Variants in FER observed in about 807,000 individuals in gnomAD.
The protein encoded by FER is tyrosine-protein kinase Fer.
A neutral mutation model predicts 111.0 loss-of-function variants in FER; 63 were observed. That is an observed-to-expected ratio of 0.57 (90% CI 0.46 to 0.70). The LOEUF (loss-of-function observed/expected upper bound fraction) is 0.70, where lower values mean the gene tolerates loss of function less well. Ranked by LOEUF, FER falls within the 30% of genes least tolerant of loss-of-function variation. The pLI, the probability that FER is intolerant of heterozygous loss-of-function variation, is 0.00. For missense variants in FER, 914 were observed against 954.0 expected (o/e 0.96, Z 0.55); for synonymous variants, 327 against 313.9 (o/e 1.04, Z -0.44).
At chr5:109,110,702 G>A (rs141658156) in intron 17 of FER, among the ~76,000 whole-genome samples, 1 of 151,962 alleles carries the variant, frequency 6.6e-6, no homozygotes, top group African/African-American at 2.4e-5. Context: ...ACAATGTGCA[G>A]GTTTGTTACA....
intron 13 of FER, among the ~76,000 whole-genome samples, chr5:108,963,850 A>G (rs1487025683): frequency 6.6e-6 from 1 of 152,196 alleles, no homozygotes; most frequent in African/African-American, 2.4e-5. Flanking sequence ...AGCGCTGTTT[A>G]CATTGTTAGT....
At chr5:108,823,599 G>A (rs1759132037) in intron 3 of FER, among the ~76,000 whole-genome samples, 1 of 152,116 alleles carries the variant, frequency 6.6e-6, no homozygotes, top group Non-Finnish European at 1.5e-5. Context: ...ATCTGCTCAG[G>A]TCCTTTGCAG....
chr5:109,001,602 C>G (rs898218804), intron 13 of FER, among the ~76,000 whole-genome samples: 2 of 152,208 alleles, frequency 1.3e-5, no homozygotes, highest in African/African-American at 4.8e-5. Context: ...CTCACCACTC[C>G]TATTCAACAT....
chr5:109,120,964 A>G (rs1397043581), intron 17 of FER, among the ~76,000 whole-genome samples: 1 of 151,688 alleles, frequency 6.6e-6, no homozygotes, highest in African/African-American at 2.4e-5. Context: ...AACTTTACTG[A>G]ATGTATTTTG....
chr5:108,922,692 A>G (rs1326446698), intron 10 of FER, among the ~76,000 whole-genome samples: 1 of 152,208 alleles, frequency 6.6e-6, no homozygotes, highest in African/African-American at 2.4e-5. Flanking sequence ...ATGAAAATAT[A>G]AACTTATTCT....
rs1261968572 is a variant in FER, at chr5:109,067,754, T to G, written c.1924+20556T>G. On this transcript the variant is annotated intron_variant, in intron 16 of 19. Coordinates refer to ENST00000281092, the MANE Select transcript of FER (RefSeq NM_005246.4). The stretch of plus-strand genomic sequence containing the variant: ...GTTAAATTCTACTCTCTTGAATATC[T>G]AAATAGATATGGTATAGGAAAGATT... 4.6e-5 allele frequency among the ~76,000 whole-genome samples: 7 copies of G among 152,164 alleles called. No homozygotes were observed. In the East Asian group the frequency reaches 1.2e-3, roughly 25 times the overall value.
chr5:108,863,071 C>G (rs1763688734), intron 5 of FER, among the ~76,000 whole-genome samples: 1 of 152,108 alleles, frequency 6.6e-6, no homozygotes, highest in East Asian at 1.9e-4. Flanking sequence ...GGGGTGATCA[C>G]TTTTAGATGG....
intron 13 of FER, among the ~76,000 whole-genome samples, chr5:109,036,143 T>G (rs980732378): frequency 6.6e-6 from 1 of 152,192 alleles, no homozygotes; most frequent in Non-Finnish European, 1.5e-5. Context: ...AATAAATGTT[T>G]TCAATTTTGA....
chr5:108,906,530 AG>A (rs1339662217), intron 10 of FER, among the ~76,000 whole-genome samples: 3 of 103,562 alleles, frequency 2.9e-5, no homozygotes, highest in African/African-American at 4.2e-5. Context: ...ACGTTATTAG[AG>A]TTGATCAGCT....
intron 17 of FER, among the ~76,000 whole-genome samples, chr5:109,130,331 C>T (rs374945324): frequency 6.6e-6 from 1 of 151,916 alleles, no homozygotes; most frequent in African/African-American, 2.4e-5. Flanking sequence ...GAAGGCTTTT[C>T]TGTATTTTCC....
intron 10 of FER, among the ~76,000 whole-genome samples, chr5:108,936,277 T>G (rs922670447): frequency 6.6e-6 from 1 of 152,044 alleles, no homozygotes; most frequent in African/African-American, 2.4e-5. Flanking sequence ...TTAATAACAG[T>G]GGCTATTATT....
chr5:109,135,812 G>A (rs1752832772), intron 17 of FER, among the ~76,000 whole-genome samples: 1 of 152,078 alleles, frequency 6.6e-6, no homozygotes, highest in African/African-American at 2.4e-5. Context: ...TGTTTCTGGT[G>A]ATTTCTGCTA....
chr5:108,855,594 GAAAAAAA>G (rs199949845), intron 5 of FER, among the ~76,000 whole-genome samples: 3 of 102,994 alleles, frequency 2.9e-5, no homozygotes, highest in African/African-American at 1.0e-4. Flanking sequence ...GCACTCCAGC[GAAAAAAA>G]AAAAAAAAAG....
intron 9 of FER, among the ~76,000 whole-genome samples, chr5:108,888,851 G>A (rs547305602): frequency 2.8e-4 from 42 of 151,956 alleles, no homozygotes; most frequent in Non-Finnish European, 5.6e-4. Context: ...GATCAGACAT[G>A]TTGATTTTAA....
At chr5:109,035,687 A>G (rs1263148833) in intron 13 of FER, among the ~76,000 whole-genome samples, 1 of 152,114 alleles carries the variant, frequency 6.6e-6, no homozygotes, top group Non-Finnish European at 1.5e-5. Flanking sequence ...TGTATGTTTA[A>G]CTTTATGAGA....
At chr5:109,157,451 G>C (rs938139001) in intron 17 of FER, among the ~76,000 whole-genome samples, 1 of 151,658 alleles carries the variant, frequency 6.6e-6, no homozygotes, top group Non-Finnish European at 1.5e-5. Context: ...CTTCTTGTTG[G>C]AATTTTCTGC....
At chr5:108,765,211 A>G (rs1752185344) in intron 1 of FER, among the ~76,000 whole-genome samples, 1 of 152,194 alleles carries the variant, frequency 6.6e-6, no homozygotes, top group Admixed American at 6.5e-5. Flanking sequence ...CGCAAGGAAT[A>G]TAATTTTTTT....
At chr5:109,118,764 T>C (rs1750591821) in intron 17 of FER, among the ~76,000 whole-genome samples, 1 of 152,210 alleles carries the variant, frequency 6.6e-6, no homozygotes, top group Non-Finnish European at 1.5e-5. Context: ...AATTGTCCAT[T>C]TCTTCTAGAT....
chr5:108,871,868 T>C (rs1206267218), intron 7 of FER, among the ~76,000 whole-genome samples: 1 of 152,056 alleles, frequency 6.6e-6, no homozygotes, highest in Non-Finnish European at 1.5e-5. Flanking sequence ...CTTAATACAA[T>C]TGTGACAGGA....
Sources: gnomAD v4.1 joint callset for allele counts (sites outside exome capture counted in the v4.1 genomes callset) on GRCh38, gnomAD v4.1.1 for gene constraint, MANE v1.5 for transcripts, NCBI Gene and HGNC (gene_info 2026-07-23, HGNC 2026-07-21) for gene names.